The following ULK4 variants were observed in gnomAD, a reference collection of about 807,000 sequenced individuals.
ULK4 encodes unc-51 like kinase 4, also known as inactive serine/threonine-protein kinase ULK4.
Under a neutral mutation model 160.6 loss-of-function variants are expected in ULK4, and 133 were observed. That is an observed-to-expected ratio of 0.83 (90% CI 0.72 to 0.96). The LOEUF is 0.96. Ranked by LOEUF, ULK4 falls within the 40% of genes least tolerant of loss-of-function variation. The pLI, the probability that ULK4 is intolerant of heterozygous loss-of-function variation, is 0.00. For missense variants in ULK4, 1,580 were observed against 1,499.5 expected (o/e 1.05, Z -0.89); for synonymous variants, 534 against 539.8 (o/e 0.99, Z 0.15).
chr3:41,323,616 G>A (rs1182143216), intron 35 of ULK4, among the ~76,000 whole-genome samples: 4 of 152,038 alleles, frequency 2.6e-5, no homozygotes, highest in African/African-American at 4.8e-5. Context: ...CAGCTGGCCA[G>A]GAGCTGATCC....
chr3:41,551,416 T>TAAAC (rs57958055), intron 32 of ULK4, among the ~76,000 whole-genome samples: 77,063 of 151,008 alleles, frequency 0.51, 19,710 homozygotes, highest in Middle Eastern at 0.57. Context: ...AAGATCCAAA[T>TAAAC]AAAATCAGAA....
At chr3:41,852,167 C>A (rs1002927626) in intron 17 of ULK4, among the ~76,000 whole-genome samples, 1 of 152,136 alleles carries the variant, frequency 6.6e-6, no homozygotes, top group African/African-American at 2.4e-5. Context: ...GACACATACA[C>A]CCTCCCAAGA....
At position 41,763,032 on chromosome 3, in the gene ULK4, G is replaced by A. The variant is rs2039040858; in HGVS notation, c.2194-8544C>T. ...TCACTATCACAAGAACAGCATGGGG[G>A]AAGCCGCCCCCATGATCCAATCGCC... On this transcript the variant is annotated intron_variant, in intron 21 of 36. Transcript: ENST00000301831. Among the ~76,000 whole-genome samples the A allele has an allele frequency of 2.0e-5, 3 of 152,124 alleles. 1 individual carries two copies. The highest frequency in any genetic ancestry group is 2.1e-4 in the South Asian group (1 of 4,814).
chr3:41,468,227 CT>C (rs2083883370), intron 32 of ULK4, among the ~76,000 whole-genome samples: 1 of 151,998 alleles, frequency 6.6e-6, no homozygotes. Context: ...ACAGTTAAAA[CT>C]AAAAGACAAC....
intron 35 of ULK4, among the ~76,000 whole-genome samples, chr3:41,366,919 G>A (rs944497088): frequency 6.6e-6 from 1 of 152,172 alleles, no homozygotes; most frequent in African/African-American, 2.4e-5. Context: ...CTCACTCTGT[G>A]CTCAGAGAGA....
chr3:41,776,252 T>C (rs187915347), intron 21 of ULK4, among the ~76,000 whole-genome samples: 1 of 151,218 alleles, frequency 6.6e-6, no homozygotes, highest in East Asian at 1.9e-4. Flanking sequence ...ATAAAGTAAT[T>C]CTTCACATTC....
intron 32 of ULK4, among the ~76,000 whole-genome samples, chr3:41,525,780 T>C (rs1340009415): frequency 2.0e-5 from 3 of 152,252 alleles, no homozygotes; most frequent in African/African-American, 7.2e-5. Flanking sequence ...TTTAACTCTT[T>C]CACCTGTCTG....
At chr3:41,402,331 C>T (rs185799461) in intron 34 of ULK4, among the ~76,000 whole-genome samples, 8 of 152,066 alleles carry the variant, frequency 5.3e-5, no homozygotes, top group South Asian at 2.1e-4. Context: ...TCTTTTCCAA[C>T]GGGTATTCCT....
Position 41,681,992 on chromosome 3 carries a change from A to T in ULK4, c.2782-188T>A, listed in dbSNP as rs565178487. ...CACCAAGCTCATTTAAATCTAAAAA[A>T]GTCCTCAGGTCAAAATGACATTATG... On this transcript the variant is annotated intron_variant, in intron 27 of 36. Coordinates refer to ENST00000301831, the MANE Select transcript of ULK4 (RefSeq NM_017886.4). 5.9e-5 allele frequency among the ~76,000 whole-genome samples: 9 copies of T among 152,364 alleles called. No homozygotes were observed. In the South Asian group the frequency reaches 1.9e-3, roughly 32 times the overall value.
chr3:41,856,537 GTATATATA>G lies in ULK4; in HGVS notation c.1657-20574_1657-20567del, dbSNP rs199794363. Among the ~76,000 whole-genome samples the G allele has an allele frequency of 5.8e-3, 510 of 87,608 alleles. 8 individuals carry two copies. The highest frequency in any genetic ancestry group is 7.5e-3 in the Admixed American group (53 of 7,034). 57.5% of individuals were successfully genotyped at this position (87,608 alleles called of 152,430 possible). ...AATATATATATATATATATATGTAT[GTATATATA>G]TATGTGTATATATATACACATATAT... On this transcript the variant is annotated intron_variant, in intron 17 of 36. Transcript: ENST00000301831.
At chr3:41,610,458 C>T (rs2032618286) in intron 31 of ULK4, among the ~76,000 whole-genome samples, 1 of 152,144 alleles carries the variant, frequency 6.6e-6, no homozygotes. Context: ...AGAACCAATA[C>T]ATATTTGTTG....
At chr3:41,293,880 T>C (rs1019479119) in intron 35 of ULK4, among the ~76,000 whole-genome samples, 9 of 152,220 alleles carry the variant, frequency 5.9e-5, no homozygotes, top group Non-Finnish European at 1.3e-4. Context: ...TGACATTTCA[T>C]CTTGTGTCTT....
intron 32 of ULK4, among the ~76,000 whole-genome samples, chr3:41,543,727 T>A (rs1383215430): frequency 6.6e-6 from 1 of 152,206 alleles, no homozygotes; most frequent in Non-Finnish European, 1.5e-5. Context: ...TTATAATCCT[T>A]TTTATCTTTA....
At chr3:41,958,502 G>C (rs953540447) in intron 1 of ULK4, among the ~76,000 whole-genome samples, 1 of 150,302 alleles carries the variant, frequency 6.7e-6, no homozygotes, top group African/African-American at 2.5e-5. Flanking sequence ...ACAAGTTCAG[G>C]ACCAGGCTGG....
chr3:41,484,666 A>G (rs890592427), intron 32 of ULK4, among the ~76,000 whole-genome samples: 7 of 152,000 alleles, frequency 4.6e-5, no homozygotes, highest in Admixed American at 3.9e-4. Context: ...GTTAGCCAGG[A>G]TGGTCTTGAT....
At chr3:41,635,868 T>C (rs13100250) in intron 30 of ULK4, among the ~76,000 whole-genome samples, 1 of 152,206 alleles carries the variant, frequency 6.6e-6, no homozygotes, top group African/African-American at 2.4e-5. Flanking sequence ...TTCTATTGGG[T>C]TTTTAAAAAT....
intron 35 of ULK4, among the ~76,000 whole-genome samples, chr3:41,325,349 A>T (rs969540412): frequency 1.5e-4 from 23 of 152,210 alleles, no homozygotes; most frequent in Non-Finnish European, 3.4e-4. Context: ...GACAGAAAAA[A>T]CTTTTCAAAA....
chr3:41,566,604 A>G (rs1294643442), intron 31 of ULK4, among the ~76,000 whole-genome samples: 2 of 152,220 alleles, frequency 1.3e-5, no homozygotes, highest in African/African-American at 2.4e-5. Flanking sequence ...TTTGGACCTA[A>G]AAGAGTGGAT....
At chr3:41,747,997 TAA>T (rs1188666795) in intron 22 of ULK4, among the ~76,000 whole-genome samples, 5 of 152,004 alleles carry the variant, frequency 3.3e-5, no homozygotes, top group Non-Finnish European at 7.4e-5. Context: ...GAAAAATAAA[TAA>T]GTTTATCCTA....
Sources: allele counts gnomAD v4.1 joint callset (sites outside exome capture counted in the v4.1 genomes callset), GRCh38; gene constraint gnomAD v4.1.1; transcripts MANE v1.5; gene names NCBI Gene and HGNC (gene_info 2026-07-23, HGNC 2026-07-21).